Variants in SPEG observed in about 807,000 individuals in gnomAD.
The protein encoded by SPEG is striated muscle enriched protein kinase.
In SPEG, 114 loss-of-function variants were observed where a neutral mutation model predicts 300.4. The ratio of observed to expected loss-of-function variants is 0.38; its 90% CI spans 0.33 to 0.44. The LOEUF (loss-of-function observed/expected upper bound fraction) is 0.44. Among genes scored for constraint, SPEG ranks in the 20% least tolerant of loss-of-function variants. The pLI is 1.00. For missense variants in SPEG, 4,201 were observed against 4,586.2 expected, an observed-to-expected ratio of 0.92 and a Z score of 2.43; for synonymous variants, 1,964 against 2,018.9, an observed-to-expected ratio of 0.97 and a Z score of 0.73.
At chr2:219,449,689 G>A (rs1273044487) in intron 4 of SPEG, among the ~76,000 whole-genome samples, 1 of 152,126 alleles carries the variant, frequency 6.6e-6, no homozygotes, top group Non-Finnish European at 1.5e-5. Flanking sequence ...GATGGTAGAT[G>A]GTCTGAAATA....
chr2:219,469,273 G>A lies in SPEG; in HGVS notation c.3609G>A (p.Lys1203=), dbSNP rs1691658627. The change falls in exon 13 of 41, where the codon AAG becomes AAA. Residue 1203 remains lysine (K), a synonymous_variant. Coordinates refer to ENST00000312358, the MANE Select transcript of SPEG (RefSeq NM_005876.5). ...AGGACCTGGAGGTGGGACTGGCCAA[G>A]GAGGCCATGCTAGAGTGCCAGGTGA... is the stretch of plus-strand genomic sequence containing the variant. ...PLQDLEVGLA[K]EAMLECQVTG... 6.2e-7 allele frequency: 1 copy of A among 1,613,824 alleles called. No homozygotes were observed. The highest frequency in any genetic ancestry group is 8.5e-7 in the Non-Finnish European group (1 of 1,179,936).
In SPEG at chr2:219,445,312, C is replaced by T. The variant is rs560033439; in HGVS notation, c.815+151C>T. ...CCCCTGCTGCCACTCCATCTTCCCA[C>T]ACTGCTCCCTCCTCCTCCTGAGCCA... On this transcript the variant is annotated intron_variant, in intron 3 of 40. Coordinates refer to ENST00000312358, the MANE Select transcript of SPEG (RefSeq NM_005876.5). This position sits in a 1 kb window ranked among gnomAD's most constrained non-coding sequence, Gnocchi z 6.1. 6.3e-6 allele frequency: 5 copies of T among 793,824 alleles called. No homozygotes were observed. The highest frequency in any genetic ancestry group is 3.3e-5 in the South Asian group (2 of 59,818). 49.2% of individuals were successfully genotyped at this position (793,824 alleles called of 1,614,324 possible).
At chr2:219,488,953 A>C in intron 34 of SPEG, 53 bp downstream of exon 34, 1 of 1,596,028 alleles carries the variant, frequency 6.3e-7, no homozygotes, top group Non-Finnish European at 8.5e-7. Context: ...AGGGTAGAGG[A>C]GTCTGGTAAG....
chr2:219,449,286 AGGGCTGACAAG>A lies in SPEG; in HGVS notation c.2113+17_2113+27del, dbSNP rs972474371. The A allele has an allele frequency of 1.0e-5, 14 of 1,363,348 alleles. No homozygotes were observed. The African/African-American group carries it at 2.2e-4, about 21-fold the overall frequency. 84.5% of individuals were successfully genotyped at this position (1,363,348 alleles called of 1,614,324 possible). On this transcript the variant is annotated intron_variant, in intron 4 of 40. Coordinates refer to ENST00000312358, the MANE Select transcript of SPEG (RefSeq NM_005876.5). ...CCCTGAGCTCGGTAAGGCCTCAGGGAGGGCTGACAAGGTGCCTGAACCCCCGTCGGGGGGCG... is the reference window on the plus strand; with the variant it reads ...CCCTGAGCTCGGTAAGGCCTCAGGGAGTGCCTGAACCCCCGTCGGGGGGCG...
In SPEG at chr2:219,434,860, G is replaced by A; in HGVS notation, c.-118G>A. ...TTCTGGGTAGCACAGGCCGAAGGCG[G>A]GCGGGCAGCAGGAAGGCAGGCCGCC... On this transcript the variant is annotated 5_prime_UTR_variant, in exon 1 of 41. Transcript: ENST00000312358. 1.5e-6 allele frequency: 1 copy of A among 653,678 alleles called. No homozygotes were observed. The highest frequency in any genetic ancestry group is 1.9e-5 in the African/African-American group (1 of 51,756). The allele number at this position is 653,678 out of a possible 1,614,324, so 40.5% of individuals were successfully genotyped here.
chr2:219,448,233 A>C lies in SPEG; in HGVS notation c.1075A>C (p.Lys359Gln). 6.2e-7 allele frequency: 1 copy of C among 1,612,482 alleles called. No individual in the cohort carries two copies. The highest frequency in any genetic ancestry group is 1.1e-5 in the South Asian group (1 of 91,080). The stretch of plus-strand genomic sequence containing the variant: ...CGAAGAGAAGCGAGGGAAGAAGTCC[A>C]AGTCGTCCGGGCCCTCCCTGGCGGG... ...TTEEKRGKKS[K>Q]SSGPSLAGTA... Residue 359 changes from lysine (K) to glutamine (Q), a missense_variant, in exon 4 of 41, where the codon AAG becomes CAG. Physicochemically the swap from Lys to Gln is moderately conservative, Grantham distance 53. Around this residue, in one of 4 missense-constraint regions of SPEG, gnomAD observed 1,258 missense variants for 1,293.9 expected, o/e 0.97. Coordinates refer to ENST00000312358, the MANE Select transcript of SPEG (RefSeq NM_005876.5).
At chr2:219,441,687 C>T (rs1438290357) in intron 1 of SPEG, 1 of 422,626 alleles carries the variant, frequency 2.4e-6, no homozygotes, top group Non-Finnish European at 4.8e-6. Flanking sequence ...TCCTCATGTG[C>T]CTAGGGCTCC....
intron 4 of SPEG, among the ~76,000 whole-genome samples, chr2:219,449,817 C>T (rs956745296): frequency 1.1e-4 from 17 of 152,166 alleles, no homozygotes; most frequent in African/African-American, 3.6e-4. Context: ...TTCTAGCCTC[C>T]TCACCTCAGG....
At chr2:219,467,061 A>G in intron 9 of SPEG, 113 bp from the exon 10 acceptor site, 1 of 1,355,034 alleles carries the variant, frequency 7.4e-7, no homozygotes, top group Non-Finnish European at 9.9e-7. Flanking sequence ...CCAGAGAACA[A>G]AATGCATCTC....
chr2:219,485,298 C>A (rs199870987), intron 30 of SPEG, 48 bp from the exon 31 acceptor site: 58 of 1,567,996 alleles, frequency 3.7e-5, no homozygotes, highest in Non-Finnish European at 6.0e-6. Flanking sequence ...GAGGTGGGAA[C>A]TTGCTGGTAC....
In SPEG at chr2:219,473,168, G is replaced by T; in HGVS notation, c.4147+72G>T. ...GGGGAATGGGGGCCCTGTGGTGGAG[G>T]CTCAAGGGATGGCCTGGACATGGTA... On this transcript the variant is annotated intron_variant, in intron 16 of 40. Coordinates refer to ENST00000312358, the MANE Select transcript of SPEG (RefSeq NM_005876.5). This position sits in a 1 kb window ranked among gnomAD's most constrained non-coding sequence, Gnocchi z 4.6. The T allele has an allele frequency of 7.0e-7, 1 of 1,436,328 alleles. No homozygotes were observed. The allele number at this position is 1,436,328 out of a possible 1,614,324, so 89.0% of individuals were successfully genotyped here. A position where few individuals can be genotyped will look rare whatever the true frequency, so the allele number is the denominator to read the frequency against.
chr2:219,463,612 G>A lies in SPEG; in HGVS notation c.2706-821G>A, dbSNP rs190125673. 2.7e-3 allele frequency among the ~76,000 whole-genome samples: 401 copies of A among 150,742 alleles called. 1 individual carries two copies. Among genetic ancestry groups the A allele is most frequent in the African/African-American group, 8.6e-3 (353 of 41,066 alleles). ...ATTTTTTGTAGAGGCAGGGTTTCTGGTCAGGCTGGTCTCGAACTCCTGACC... is the reference window on the plus strand; with the variant it reads ...ATTTTTTGTAGAGGCAGGGTTTCTGATCAGGCTGGTCTCGAACTCCTGACC... On this transcript the variant is annotated intron_variant, in intron 8 of 40. Transcript: ENST00000312358.
At position 219,483,753 on chromosome 2, in the gene SPEG, G is replaced by A. The variant is rs769220030; in HGVS notation, c.6290G>A (p.Gly2097Asp). The change falls in exon 30 of 41, where the codon GGC becomes GAC. Residue 2097 changes from glycine to aspartate, a missense_variant. By Grantham distance (94) the Gly-to-Asp change is moderately conservative. Around this residue, in one of 4 missense-constraint regions of SPEG, gnomAD observed 1,578 missense variants for 1,506.0 expected, o/e 1.05. Transcript: ENST00000312358. ...LRGPLLESLG[G>D]RARDPRMARA... ...GGTCCCCTGCTGGAGAGCCTGGGGG[G>A]CCGTGCTCGGGACCCCCGGATGGCA... The A allele has an allele frequency of 3.9e-6, 6 of 1,542,156 alleles. No individual in the cohort carries two copies. Among genetic ancestry groups the A allele is most frequent in the Non-Finnish European group, 3.5e-6 (4 of 1,150,854 alleles).
At position 219,445,546 on chromosome 2, in the gene SPEG, C is replaced by G. The variant is rs529706100; in HGVS notation, c.815+385C>G. The G allele has an allele frequency of 3.1e-6, 1 of 317,636 alleles. No homozygotes were observed. Among genetic ancestry groups the G allele is most frequent in the East Asian group, 8.0e-5 (1 of 12,518 alleles). 19.7% of individuals were successfully genotyped at this position (317,636 alleles called of 1,614,324 possible). On this transcript the variant is annotated intron_variant, in intron 3 of 40. Coordinates refer to ENST00000312358, the MANE Select transcript of SPEG (RefSeq NM_005876.5). The surrounding 1 kb of genome is among the most constrained non-coding windows in gnomAD (Gnocchi z 6.1). ...TTGGTGCCTGCTGTCTCAGCAGCTG[C>G]TGCCTTTTCATCTCTCTGCACATTC...
chr2:219,438,748 G>T lies in SPEG; in HGVS notation c.388+3383G>T, dbSNP rs1216187599. Among the ~76,000 whole-genome samples the T allele has an allele frequency of 2.6e-5, 4 of 152,188 alleles. No homozygotes were observed. The East Asian group carries it at 5.8e-4, about 22-fold the overall frequency. On this transcript the variant is annotated intron_variant, in intron 1 of 40. Coordinates refer to ENST00000312358, the MANE Select transcript of SPEG (RefSeq NM_005876.5). ...TGTTAGTTGGAGCTTCATAGCTAGGGTCTGGAAGATTCTGGTGTTAATCAG... is the reference window on the plus strand; with the variant it reads ...TGTTAGTTGGAGCTTCATAGCTAGGTTCTGGAAGATTCTGGTGTTAATCAG...
At position 219,444,007 on chromosome 2, in the gene SPEG, C is replaced by A; in HGVS notation, c.389-646C>A. The A allele has an allele frequency of 7.3e-7, 1 of 1,364,662 alleles. No homozygotes were observed. The highest frequency in any genetic ancestry group is 9.8e-7 in the Non-Finnish European group (1 of 1,021,098). 84.5% of individuals were successfully genotyped at this position (1,364,662 alleles called of 1,614,324 possible). A position where few individuals can be genotyped will look rare whatever the true frequency, so the allele number is the denominator to read the frequency against. On this transcript the variant is annotated intron_variant, in intron 1 of 40. Transcript: ENST00000312358. This position sits in a 1 kb window ranked among gnomAD's most constrained non-coding sequence, Gnocchi z 7.8. ...ATAACAGTCTGTCCCTGTCTCTCTC[C>A]TGCTGCTCCTATGGAAGCGAAGTTT...
Position 219,483,910 on chromosome 2 carries a change from C to T in SPEG, c.6447C>T (p.Leu2149=), listed in dbSNP as rs752575904. The T allele has an allele frequency of 1.9e-6, 3 of 1,602,594 alleles. No individual in the cohort carries two copies. Among genetic ancestry groups the T allele is most frequent in the Non-Finnish European group, 2.5e-6 (3 of 1,179,116 alleles). ...RGRHRRAGAP[L]EIPVARLGAR... The stretch of plus-strand genomic sequence containing the variant: ...GGCACCGCCGAGCGGGGGCGCCCCT[C>T]GAGATCCCCGTGGCCAGGCTTGGGG... The change falls in exon 30 of 41, where the codon CTC becomes CTT. Residue 2149 remains leucine, a synonymous_variant. Coordinates refer to ENST00000312358, the MANE Select transcript of SPEG (RefSeq NM_005876.5).
rs574493004 is a variant in SPEG, at chr2:219,493,227, C to T, written c.*441C>T. The stretch of plus-strand genomic sequence containing the variant: ...TAGGCTGGGAGTCAGTGTGGCAAAG[C>T]GGGGGCAGGACACAGATACAGTGGC... On this transcript the variant is annotated 3_prime_UTR_variant, in exon 41 of 41. Coordinates refer to ENST00000312358, the MANE Select transcript of SPEG (RefSeq NM_005876.5). 1.6e-5 allele frequency: 6 copies of T among 366,986 alleles called. No individual in the cohort carries two copies. In the East Asian group the frequency reaches 3.6e-4, roughly 22 times the overall value. 22.7% of individuals were successfully genotyped at this position (366,986 alleles called of 1,614,324 possible). A position where few individuals can be genotyped will look rare whatever the true frequency, so the allele number is the denominator to read the frequency against.
At chr2:219,441,782 C>T (rs1158512182) in intron 1 of SPEG, among the ~76,000 whole-genome samples, 4 of 150,400 alleles carry the variant, frequency 2.7e-5, no homozygotes, top group African/African-American at 9.8e-5. Flanking sequence ...GAGGGCCTCC[C>T]CGGGGGAAGT....
Sources: gnomAD v4.1 joint callset for allele counts (sites outside exome capture counted in the v4.1 genomes callset) on GRCh38, gnomAD v4.1.1 for gene constraint, gnomAD v4.1.1 regional missense constraint, Gnocchi (gnomAD v3.1) non-coding constraint, MANE v1.5 for transcripts, NCBI Gene and HGNC (gene_info 2026-07-23, HGNC 2026-07-21) for gene names.